AUTS2: variants seen among roughly 807,000 people sequenced by gnomAD.
AUTS2 encodes the protein autism susceptibility gene 2 protein.
A neutral mutation model predicts 112.4 loss-of-function variants in AUTS2; 17 were observed. The ratio of observed to expected loss-of-function variants is 0.15; its 90% CI spans 0.10 to 0.23. The LOEUF is 0.23. Among genes scored for constraint, AUTS2 ranks in the 10% least tolerant of loss-of-function variants. The pLI is 1.00. For synonymous variants in AUTS2, 751 were observed against 702.7 expected (o/e 1.07, Z -1.09); for missense variants, 1,510 against 1,701.6 (o/e 0.89, Z 1.98).
At chr7:70,309,932 A>G (rs1344284455) in intron 4 of AUTS2, among the ~76,000 whole-genome samples, 1 of 152,176 alleles carries the variant, frequency 6.6e-6, no homozygotes, top group African/African-American at 2.4e-5. Context: ...CTCCAAGGCA[A>G]ATCAAGTTCA....
chr7:70,416,892 A>G (rs1031964858), intron 4 of AUTS2, among the ~76,000 whole-genome samples: 8 of 152,222 alleles, frequency 5.3e-5, no homozygotes, highest in African/African-American at 1.9e-4. Context: ...CTAAAGCTCT[A>G]GTTAAAAGTA....
chr7:70,600,792 T>C (rs1183057677), intron 5 of AUTS2, among the ~76,000 whole-genome samples: 1 of 152,162 alleles, frequency 6.6e-6, no homozygotes, highest in Non-Finnish European at 1.5e-5. Flanking sequence ...TAATGCAGTA[T>C]GTGGCTTTTG....
At chr7:69,860,660 TG>T (rs1206701235) in intron 1 of AUTS2, among the ~76,000 whole-genome samples, 2 of 150,720 alleles carry the variant, frequency 1.3e-5, no homozygotes, top group Non-Finnish European at 3.0e-5. Flanking sequence ...CAAGGGCACA[TG>T]TTGCTTAATT....
At chr7:70,195,351 T>C (rs918317159) in intron 4 of AUTS2, among the ~76,000 whole-genome samples, 2 of 152,096 alleles carry the variant, frequency 1.3e-5, no homozygotes, top group African/African-American at 2.4e-5. Flanking sequence ...GCTGTTAATA[T>C]GAATACTGAA....
intron 2 of AUTS2, among the ~76,000 whole-genome samples, chr7:69,924,837 C>T (rs2062391036): frequency 6.6e-6 from 1 of 152,204 alleles, no homozygotes; most frequent in Non-Finnish European, 1.5e-5. Context: ...AGGCATGAGC[C>T]ACCAGGCCCG....
intron 4 of AUTS2, among the ~76,000 whole-genome samples, chr7:70,404,050 A>T (rs1794432572): frequency 6.6e-6 from 1 of 152,152 alleles, no homozygotes; most frequent in African/African-American, 2.4e-5. Flanking sequence ...TGCACACCTT[A>T]TCCGTCCCTA....
intron 2 of AUTS2, among the ~76,000 whole-genome samples, chr7:70,032,421 C>T (rs1453868145): frequency 6.6e-6 from 1 of 152,078 alleles, no homozygotes; most frequent in Non-Finnish European, 1.5e-5. Context: ...ACAAAACCTT[C>T]TCATAAAAAC....
chr7:70,430,973 C>A (rs945231058), intron 4 of AUTS2, among the ~76,000 whole-genome samples: 1 of 151,618 alleles, frequency 6.6e-6, no homozygotes, highest in Middle Eastern at 3.2e-3. Flanking sequence ...GTAGCTGGGA[C>A]TACAGGCGCC....
chr7:70,007,672 C>T (rs146099382), intron 2 of AUTS2, among the ~76,000 whole-genome samples: 1 of 152,216 alleles, frequency 6.6e-6, no homozygotes, highest in Non-Finnish European at 1.5e-5. Context: ...GGCTGAGAAA[C>T]ATCAAGTAAT....
Position 69,864,513 on chromosome 7 carries a change from G to A in AUTS2, c.310-34773G>A, listed in dbSNP as rs537697445. Among the ~76,000 whole-genome samples, 11 of 152,240 alleles carry A rather than the reference G, an allele frequency of 7.2e-5. No individual in the cohort carries two copies. The East Asian group carries it at 1.5e-3, about 21-fold the overall frequency. ...ATGATGCATTAATGAACACACAGAT[G>A]TCATCTTGCAGCCATGATGCTTGCA... On this transcript the variant is annotated intron_variant, in intron 1 of 18. Coordinates refer to ENST00000342771, the MANE Select transcript of AUTS2 (RefSeq NM_015570.4).
chr7:70,618,367 G>A (rs1374092408), intron 5 of AUTS2, among the ~76,000 whole-genome samples: 1 of 152,178 alleles, frequency 6.6e-6, no homozygotes, highest in Non-Finnish European at 1.5e-5. Context: ...GAAAGCCAAG[G>A]CAGCCCTGGC....
chr7:70,282,673 GACCACA>G (rs1788276147), intron 4 of AUTS2, among the ~76,000 whole-genome samples: 1 of 152,130 alleles, frequency 6.6e-6, no homozygotes, highest in African/African-American at 2.4e-5. Flanking sequence ...TAAACATTCA[GACCACA>G]GTCCCTGTGA....
chr7:70,714,622 A>G (rs1301353894), intron 6 of AUTS2, among the ~76,000 whole-genome samples: 1 of 152,206 alleles, frequency 6.6e-6, no homozygotes. Flanking sequence ...CACCCTCCCC[A>G]GCTTCCCATT....
At chr7:70,169,853 T>C (rs1356043706) in intron 4 of AUTS2, among the ~76,000 whole-genome samples, 1 of 152,162 alleles carries the variant, frequency 6.6e-6, no homozygotes, top group Non-Finnish European at 1.5e-5. Flanking sequence ...TTAGTATTAC[T>C]GGTAAAATGG....
intron 5 of AUTS2, among the ~76,000 whole-genome samples, chr7:70,592,339 TGTTTG>T (rs553584743): frequency 1.5e-3 from 229 of 152,214 alleles, no homozygotes; most frequent in African/African-American, 4.8e-3. Context: ...ACTGCTTTTT[TGTTTG>T]GTTTGGTGTA....
chr7:69,814,533 C>T (rs1790675589), intron 1 of AUTS2, among the ~76,000 whole-genome samples: 1 of 152,230 alleles, frequency 6.6e-6, no homozygotes, highest in East Asian at 1.9e-4. Flanking sequence ...CCAGCCAGGC[C>T]ACCCGGGCGA....
intron 4 of AUTS2, among the ~76,000 whole-genome samples, chr7:70,352,421 G>A (rs891598778): frequency 2.0e-5 from 3 of 152,044 alleles, no homozygotes; most frequent in African/African-American, 7.3e-5. Context: ...ACTCCCTGAG[G>A]GTAGAAAGTC....
At chr7:69,967,157 C>G (rs1336414095) in intron 2 of AUTS2, among the ~76,000 whole-genome samples, 1 of 152,154 alleles carries the variant, frequency 6.6e-6, no homozygotes, top group African/African-American at 2.4e-5. Context: ...TTTTGGAGAT[C>G]ATGGGGTTAA....
chr7:69,747,105 A>G (rs1787529398), intron 1 of AUTS2, among the ~76,000 whole-genome samples: 1 of 152,234 alleles, frequency 6.6e-6, no homozygotes, highest in Non-Finnish European at 1.5e-5. Flanking sequence ...TTTAAAACAC[A>G]GAATGTTGGG....
Sources: allele counts gnomAD v4.1 joint callset (sites outside exome capture counted in the v4.1 genomes callset), GRCh38; gene constraint gnomAD v4.1.1; transcripts MANE v1.5; gene names NCBI Gene and HGNC (gene_info 2026-07-23, HGNC 2026-07-21).